Variants in SBF2 observed in about 807,000 individuals in gnomAD.
SBF2 encodes myotubularin-related protein 13.
Under a neutral mutation model 225.2 loss-of-function variants are expected in SBF2, and 112 were observed. That is an observed-to-expected ratio of 0.50 (90% CI 0.43 to 0.58). The LOEUF is 0.58. Among genes scored for constraint, SBF2 ranks in the 20% least tolerant of loss-of-function variants. SBF2 has a pLI of 0.00. For synonymous variants in SBF2, 763 were observed against 773.3 expected (o/e 0.99, Z 0.22); for missense variants, 1,996 against 2,206.2 (o/e 0.90, Z 1.91).
intron 35 of SBF2, 141 bp downstream of exon 35, chr11:9,788,968 G>A (rs970772073): frequency 1.4e-6 from 1 of 724,748 alleles, no homozygotes; most frequent in Non-Finnish European, 2.4e-6. Context: ...TGATGATGGG[G>A]AGCAAATCTG....
At chr11:10,195,763 T>C (rs757465078) in intron 1 of SBF2, among the ~76,000 whole-genome samples, 1 of 152,266 alleles carries the variant, frequency 6.6e-6, no homozygotes, top group Non-Finnish European at 1.5e-5. Flanking sequence ...CAAAATCCAT[T>C]TGAAAAAGAC....
intron 1 of SBF2, among the ~76,000 whole-genome samples, chr11:10,231,553 T>A (rs1207617416): frequency 6.6e-6 from 1 of 152,208 alleles, no homozygotes; most frequent in East Asian, 1.9e-4. Context: ...TCAGGTCTGT[T>A]GGAGTTTGCT....
intron 2 of SBF2, among the ~76,000 whole-genome samples, chr11:10,095,704 A>G (rs1951988493): frequency 6.6e-6 from 1 of 152,214 alleles, no homozygotes; most frequent in African/African-American, 2.4e-5. Context: ...AGAGGATTCA[A>G]GTTTTTGTCT....
chr11:10,230,037 T>C (rs1433520689), intron 1 of SBF2, among the ~76,000 whole-genome samples: 3 of 152,214 alleles, frequency 2.0e-5, no homozygotes, highest in South Asian at 2.1e-4. Flanking sequence ...TTAGCTCTTC[T>C]TGTTGAATTG....
chr11:10,018,598 A>G (rs1948732984), intron 6 of SBF2, among the ~76,000 whole-genome samples: 2 of 152,166 alleles, frequency 1.3e-5, no homozygotes, highest in African/African-American at 4.8e-5. Context: ...GCTATTTAAT[A>G]TTAGCATCTA....
chr11:10,285,628 T>C (rs1239131787), intron 1 of SBF2, among the ~76,000 whole-genome samples: 3 of 152,322 alleles, frequency 2.0e-5, no homozygotes, highest in South Asian at 4.1e-4. Flanking sequence ...ACATAAGGCA[T>C]ACACTGCATA....
At chr11:10,143,920 C>T (rs550378228) in intron 2 of SBF2, among the ~76,000 whole-genome samples, 8 of 151,938 alleles carry the variant, frequency 5.3e-5, no homozygotes, top group Non-Finnish European at 1.2e-4. Flanking sequence ...GGGGTTTCAC[C>T]GCATTAGCCA....
intron 1 of SBF2, among the ~76,000 whole-genome samples, chr11:10,292,110 T>C (rs538918938): frequency 2.6e-5 from 4 of 152,308 alleles, no homozygotes; most frequent in East Asian, 3.9e-4. Flanking sequence ...GCAACACATA[T>C]TGCTAAACTG....
chr11:9,998,398 T>A lies in SBF2; in HGVS notation c.862-19A>T. 1 of 1,353,434 alleles carries A rather than the reference T, an allele frequency of 7.4e-7. No homozygotes were observed. Among genetic ancestry groups the A allele is most frequent in the Non-Finnish European group, 1.1e-6 (1 of 949,098 alleles). The allele number at this position is 1,353,434 out of a possible 1,614,324, so 83.8% of individuals were successfully genotyped here. The stretch of plus-strand genomic sequence containing the variant: ...CATCTAACTGAAAGAGATAAAAAAA[T>A]TAACCTATAATTACCAAAATACATT... On this transcript the variant is annotated intron_variant, in intron 8 of 39. Coordinates refer to ENST00000256190, the MANE Select transcript of SBF2 (RefSeq NM_030962.4).
chr11:10,242,309 A>G lies in SBF2; in HGVS notation c.56-48322T>C, dbSNP rs117898318. On this transcript the variant is annotated intron_variant, in intron 1 of 39. Coordinates refer to ENST00000256190, the MANE Select transcript of SBF2 (RefSeq NM_030962.4). ...CAGCTTCAAACAGACTGTCATAACTATTAAGAAATTTTATGCAAGCCTCAG... is the reference window on the plus strand; with the variant it reads ...CAGCTTCAAACAGACTGTCATAACTGTTAAGAAATTTTATGCAAGCCTCAG... Among the ~76,000 whole-genome samples, 24 of 152,212 alleles carry G rather than the reference A, an allele frequency of 1.6e-4. No homozygotes were observed. In the East Asian group the frequency reaches 2.9e-3, roughly 18 times the overall value.
At chr11:9,908,279 G>A (rs1862266677) in intron 16 of SBF2, among the ~76,000 whole-genome samples, 1 of 152,210 alleles carries the variant, frequency 6.6e-6, no homozygotes, top group Non-Finnish European at 1.5e-5. Context: ...AGAGGATGAA[G>A]TTAAAGCTTC....
intron 6 of SBF2, among the ~76,000 whole-genome samples, chr11:10,012,789 T>C (rs1347239950): frequency 6.6e-6 from 1 of 152,206 alleles, no homozygotes; most frequent in African/African-American, 2.4e-5. Context: ...GAAAGCTTTT[T>C]TTTTTCTTTG....
At chr11:10,124,921 A>G (rs986519069) in intron 2 of SBF2, among the ~76,000 whole-genome samples, 1 of 152,038 alleles carries the variant, frequency 6.6e-6, no homozygotes, top group African/African-American at 2.4e-5. Context: ...CCTGACCAAC[A>G]TGGCAAAACC....
intron 16 of SBF2, among the ~76,000 whole-genome samples, chr11:9,911,779 T>C (rs886808302): frequency 2.0e-5 from 3 of 152,206 alleles, no homozygotes; most frequent in African/African-American, 7.2e-5. Flanking sequence ...ACCATTTCTA[T>C]GTGTAGATAT....
intron 3 of SBF2, among the ~76,000 whole-genome samples, chr11:10,037,852 C>T (rs1210497782): frequency 6.6e-6 from 1 of 151,946 alleles, no homozygotes; most frequent in Non-Finnish European, 1.5e-5. Flanking sequence ...GTTTTCTCCA[C>T]TGTTTTATAC....
intron 33 of SBF2, among the ~76,000 whole-genome samples, chr11:9,792,935 GTGTGTT>G (rs1174512407): frequency 1.5e-5 from 2 of 133,696 alleles, no homozygotes; most frequent in African/African-American, 5.9e-5. Context: ...GTGTGTGTGT[GTGTGTT>G]TTTTTTTTTT....
chr11:10,292,164 C>T (rs1159451368), intron 1 of SBF2, among the ~76,000 whole-genome samples: 1 of 152,204 alleles, frequency 6.6e-6, no homozygotes, highest in Non-Finnish European at 1.5e-5. Context: ...ATCAACAAAA[C>T]TTGAACCAGT....
In SBF2 at chr11:9,889,766, T is replaced by C. The variant is rs1860640361; in HGVS notation, c.1929+6177A>G. 3.3e-5 allele frequency among the ~76,000 whole-genome samples: 5 copies of C among 152,204 alleles called. No individual in the cohort carries two copies. The South Asian group carries it at 1.0e-3, about 31-fold the overall frequency. ...AGAACATATATTGTATGATTCCCTT[T>C]AAATAAAATGTCTAGAGAAGACATA... On this transcript the variant is annotated intron_variant, in intron 17 of 39. Coordinates refer to ENST00000256190, the MANE Select transcript of SBF2 (RefSeq NM_030962.4).
chr11:10,213,814 T>A (rs1436279537), intron 1 of SBF2, among the ~76,000 whole-genome samples: 1 of 152,108 alleles, frequency 6.6e-6, no homozygotes, highest in Non-Finnish European at 1.5e-5. Flanking sequence ...ATTCAAATGG[T>A]TCCATGTCAT....
Sources: gnomAD v4.1 joint callset for allele counts (sites outside exome capture counted in the v4.1 genomes callset) on GRCh38, gnomAD v4.1.1 for gene constraint, MANE v1.5 for transcripts, NCBI Gene and HGNC (gene_info 2026-07-23, HGNC 2026-07-21) for gene names.